SULF1: variants seen among roughly 807,000 people sequenced by gnomAD.
SULF1 encodes the protein sulfatase 1.
A neutral mutation model predicts 110.5 loss-of-function variants in SULF1; 46 were observed. That is an observed-to-expected ratio of 0.42 (90% confidence interval 0.33 to 0.53). The LOEUF is 0.53. SULF1 is among the 20% of genes least tolerant of loss of function. The pLI is 0.12. For synonymous variants in SULF1, 371 were observed against 387.1 expected, an observed-to-expected ratio of 0.96 and a Z score of 0.49; for missense variants, 941 against 1,094.2, an observed-to-expected ratio of 0.86 and a Z score of 1.98.
intron 3 of SULF1, among the ~76,000 whole-genome samples, chr8:69,533,416 C>A (rs1367187966): frequency 2.6e-5 from 4 of 152,254 alleles, no homozygotes; most frequent in Non-Finnish European, 5.9e-5. Flanking sequence ...TCCCCCTCCC[C>A]CAGTGGGCCC....
At chr8:69,631,266 C>A (rs1207264859) in intron 19 of SULF1, among the ~76,000 whole-genome samples, 6 of 152,090 alleles carry the variant, frequency 3.9e-5, no homozygotes, top group African/African-American at 1.4e-4. Context: ...AGAAGGAGGC[C>A]CTTCATACCT....
chr8:69,478,073 C>T (rs1044388257), intron 1 of SULF1, among the ~76,000 whole-genome samples: 3 of 152,074 alleles, frequency 2.0e-5, no homozygotes, highest in Non-Finnish European at 4.4e-5. Context: ...CAACTGGTCT[C>T]AAACCGCTGG....
intron 3 of SULF1, among the ~76,000 whole-genome samples, chr8:69,502,326 A>C (rs1810857619): frequency 6.6e-6 from 1 of 152,230 alleles, no homozygotes; most frequent in Admixed American, 6.5e-5. Context: ...AGCCATCCAC[A>C]ACATACTCCA....
intron 6 of SULF1, among the ~76,000 whole-genome samples, chr8:69,581,017 G>T (rs1187893697): frequency 6.6e-6 from 1 of 152,074 alleles, no homozygotes; most frequent in Admixed American, 6.5e-5. Flanking sequence ...CTTGATACAT[G>T]CATAAACATG....
rs564641813 is a variant in SULF1, at chr8:69,619,013, G to C, written c.1378-2022G>C. ...ACCCCAAATATGTACTGGTATAAGA[G>C]GGAGGTATGAGATCCTTTTAAATGA... On this transcript the variant is annotated intron_variant, in intron 13 of 22. Transcript: ENST00000402687. Among the ~76,000 whole-genome samples the C allele has an allele frequency of 7.9e-5, 12 of 152,244 alleles. No individual in the cohort carries two copies. In the South Asian group the frequency reaches 2.5e-3, roughly 32 times the overall value.
chr8:69,506,347 TC>T (rs1811197394), intron 3 of SULF1, among the ~76,000 whole-genome samples: 1 of 152,202 alleles, frequency 6.6e-6, no homozygotes, highest in Non-Finnish European at 1.5e-5. Flanking sequence ...CATCCTCTTA[TC>T]CCTTTGAGAC....
chr8:69,475,824 G>A (rs1436518461), intron 1 of SULF1, among the ~76,000 whole-genome samples: 1 of 152,132 alleles, frequency 6.6e-6, no homozygotes, highest in East Asian at 1.9e-4. Flanking sequence ...ACAATCTAAT[G>A]TTCTGATCAT....
intron 3 of SULF1, among the ~76,000 whole-genome samples, chr8:69,560,985 A>C (rs1289076784): frequency 6.6e-6 from 1 of 152,218 alleles, no homozygotes; most frequent in Non-Finnish European, 1.5e-5. Flanking sequence ...TGGTGGTGGG[A>C]AGAAGCTGAC....
intron 3 of SULF1, among the ~76,000 whole-genome samples, chr8:69,534,121 G>A (rs553061308): frequency 6.6e-6 from 1 of 152,312 alleles, no homozygotes; most frequent in South Asian, 2.1e-4. Flanking sequence ...CATAATGGAA[G>A]TTCATCCTGG....
At chr8:69,537,177 G>A (rs564846045) in intron 3 of SULF1, among the ~76,000 whole-genome samples, 2 of 152,184 alleles carry the variant, frequency 1.3e-5, no homozygotes, top group South Asian at 4.2e-4. Flanking sequence ...CCCTCCAGCT[G>A]GGCTTTCAGA....
At chr8:69,554,776 G>A (rs915310041) in intron 3 of SULF1, among the ~76,000 whole-genome samples, 2 of 151,746 alleles carry the variant, frequency 1.3e-5, no homozygotes, top group Non-Finnish European at 2.9e-5. Context: ...TCAGTAGATC[G>A]AGACCATCCT....
intron 13 of SULF1, among the ~76,000 whole-genome samples, chr8:69,613,030 TGTAACGTGAGAGATAGGAATCCA>T (rs1236018721): frequency 1.5e-4 from 23 of 152,342 alleles, no homozygotes; most frequent in African/African-American, 5.5e-4. Flanking sequence ...TTGATTTTTG[TGTAACGTGAGAGATAGGAATCCA>T]GTTTCATTCT....
intron 3 of SULF1, among the ~76,000 whole-genome samples, chr8:69,546,282 G>A (rs1327226225): frequency 6.6e-6 from 1 of 152,200 alleles, no homozygotes; most frequent in Non-Finnish European, 1.5e-5. Flanking sequence ...TCACAGTATG[G>A]AGAAAATAGA....
At chr8:69,633,329 T>C (rs1482900875) in intron 19 of SULF1, among the ~76,000 whole-genome samples, 2 of 97,812 alleles carry the variant, frequency 2.0e-5, no homozygotes, top group African/African-American at 7.1e-5. Context: ...CAGGACATTC[T>C]TTTTTTTTTT....
intron 22 of SULF1, among the ~76,000 whole-genome samples, chr8:69,644,203 G>T (rs753304689): frequency 6.6e-6 from 1 of 152,198 alleles, no homozygotes; most frequent in Admixed American, 6.5e-5. Flanking sequence ...TGACACAGCC[G>T]TGTGTTCGTG....
intron 1 of SULF1, among the ~76,000 whole-genome samples, chr8:69,476,301 T>G (rs370450901): frequency 2.0e-5 from 3 of 152,268 alleles, no homozygotes; most frequent in African/African-American, 7.2e-5. Context: ...CCCCTTTTGT[T>G]TTGTCCTTTT....
chr8:69,550,491 GA>G (rs1180384397), intron 3 of SULF1, among the ~76,000 whole-genome samples: 1 of 152,152 alleles, frequency 6.6e-6, no homozygotes, highest in Non-Finnish European at 1.5e-5. Flanking sequence ...GTGGAATGGT[GA>G]GGGACTTTTG....
chr8:69,586,645 T>TC (rs1806486679), intron 7 of SULF1, 137 bp downstream of exon 7: 2 of 1,029,864 alleles, frequency 1.9e-6, no homozygotes, highest in Non-Finnish European at 2.8e-6. Context: ...GTTAAGGTAA[T>TC]TTTAAACTCT....
intron 22 of SULF1, among the ~76,000 whole-genome samples, chr8:69,643,504 T>C (rs1811646960): frequency 6.6e-6 from 1 of 152,166 alleles, no homozygotes; most frequent in Non-Finnish European, 1.5e-5. Context: ...GAATTTGAAA[T>C]TTGAAAATTC....
Sources: allele counts gnomAD v4.1 joint callset (sites outside exome capture counted in the v4.1 genomes callset), GRCh38; gene constraint gnomAD v4.1.1; transcripts MANE v1.5; gene names NCBI Gene and HGNC (gene_info 2026-07-23, HGNC 2026-07-21).